Variants in GRM1 observed in about 807,000 individuals in gnomAD.
The protein encoded by GRM1 is metabotropic glutamate receptor 1.
Under a neutral mutation model 90.9 loss-of-function variants are expected in GRM1, and 33 were observed. That is an observed-to-expected ratio of 0.36 (90% CI 0.28 to 0.49). GRM1 has a LOEUF of 0.49. Ranked by LOEUF, GRM1 falls within the 20% of genes least tolerant of loss-of-function variation. GRM1 has a pLI of 0.99. For synonymous variants in GRM1, 700 were observed against 613.2 expected (o/e 1.14, Z -2.09); for missense variants, 1,190 against 1,534.3 (o/e 0.78, Z 3.75).
intron 2 of GRM1, among the ~76,000 whole-genome samples, chr6:146,178,473 T>G (rs192385060): frequency 1.3e-5 from 2 of 152,190 alleles, no homozygotes; most frequent in African/African-American, 4.8e-5. Context: ...AGTCTAAACA[T>G]GGAAATTAAT....
intron 3 of GRM1, among the ~76,000 whole-genome samples, chr6:146,330,139 G>T (rs1179026724): frequency 2.0e-5 from 3 of 152,194 alleles, no homozygotes; most frequent in African/African-American, 7.2e-5. Flanking sequence ...AGGTGACTGT[G>T]TGATTATGAC....
intron 2 of GRM1, among the ~76,000 whole-genome samples, chr6:146,197,631 G>A (rs1415806251): frequency 6.6e-6 from 1 of 152,176 alleles, no homozygotes; most frequent in Non-Finnish European, 1.5e-5. Flanking sequence ...GATCTTTTTA[G>A]ACTTTATTAT....
intron 2 of GRM1, among the ~76,000 whole-genome samples, chr6:146,187,738 C>CATAT (rs10656760): frequency 0.05 from 7,432 of 148,452 alleles, 195 homozygotes; most frequent in Admixed American, 0.063. Context: ...AGGCACAAAA[C>CATAT]ATATATATAT....
chr6:146,417,443 A>G (rs374274227), intron 7 of GRM1, among the ~76,000 whole-genome samples: 13 of 152,182 alleles, frequency 8.5e-5, no homozygotes, highest in African/African-American at 2.9e-4. Context: ...TAGAAAACCA[A>G]TACCTTTCTC....
Position 146,425,359 on chromosome 6 carries a change from G to T in GRM1, c.2661-8513G>T, listed in dbSNP as rs527613484. On this transcript the variant is annotated intron_variant, in intron 7 of 7. Transcript: ENST00000282753. ...GCACCTGTCAGGCCTCAGCCTGAGAGACTTGGAATGGGAAGGGGCATGGTC... is the reference window on the plus strand; with the variant it reads ...GCACCTGTCAGGCCTCAGCCTGAGATACTTGGAATGGGAAGGGGCATGGTC... Among the ~76,000 whole-genome samples the T allele has an allele frequency of 2.0e-5, 3 of 152,282 alleles. No homozygotes were observed. The East Asian group carries it at 5.8e-4, about 29-fold the overall frequency.
At chr6:146,197,682 G>A (rs1016716507) in intron 2 of GRM1, among the ~76,000 whole-genome samples, 5 of 152,142 alleles carry the variant, frequency 3.3e-5, no homozygotes, top group Non-Finnish European at 7.3e-5. Flanking sequence ...AGGCACAACT[G>A]TAAATAAATA....
chr6:146,244,531 C>G (rs1780985680), intron 2 of GRM1, among the ~76,000 whole-genome samples: 1 of 152,082 alleles, frequency 6.6e-6, no homozygotes, highest in African/African-American at 2.4e-5. Flanking sequence ...TACACTGTTA[C>G]AAATAAAAAG....
chr6:146,135,271 AC>A (rs1193354531), intron 1 of GRM1, among the ~76,000 whole-genome samples: 1 of 151,900 alleles, frequency 6.6e-6, no homozygotes, highest in Non-Finnish European at 1.5e-5. Flanking sequence ...TGAGCCCAGG[AC>A]TCTCTGCTGC....
chr6:146,171,632 CT>C, intron 2 of GRM1: 2 of 259,122 alleles, frequency 7.7e-6, no homozygotes, highest in Admixed American at 3.8e-5. Context: ...ATTTTTTCTC[CT>C]TCAGCTTGCA....
chr6:146,292,002 C>G (rs1261705556), intron 2 of GRM1, among the ~76,000 whole-genome samples: 1 of 151,868 alleles, frequency 6.6e-6, no homozygotes, highest in East Asian at 1.9e-4. Flanking sequence ...AATTGAGAAT[C>G]CAGAAATAAA....
chr6:146,244,558 A>G (rs9497505), intron 2 of GRM1, among the ~76,000 whole-genome samples: 34,253 of 152,160 alleles, frequency 0.23, 8,026 homozygotes, highest in African/African-American at 0.6. Flanking sequence ...AAAGTTGTTC[A>G]ATCAGTTGGC....
chr6:146,197,091 A>C (rs1048658139), intron 2 of GRM1, among the ~76,000 whole-genome samples: 12 of 152,206 alleles, frequency 7.9e-5, no homozygotes, highest in Admixed American at 6.5e-4. Flanking sequence ...CCAATGGGAG[A>C]GCACAGACAG....
intron 5 of GRM1, among the ~76,000 whole-genome samples, chr6:146,382,280 G>A (rs1198082098): frequency 6.7e-6 from 1 of 150,346 alleles, no homozygotes; most frequent in Non-Finnish European, 1.5e-5. Flanking sequence ...GTCACTTTGG[G>A]GGAAACTAGA....
chr6:146,416,459 T>C (rs1777788074), intron 7 of GRM1, among the ~76,000 whole-genome samples: 1 of 152,190 alleles, frequency 6.6e-6, no homozygotes, highest in African/African-American at 2.4e-5. Context: ...AATAAATTAG[T>C]AGTTTTATCA....
At chr6:146,300,941 C>T (rs1289513530) in intron 2 of GRM1, among the ~76,000 whole-genome samples, 1 of 152,140 alleles carries the variant, frequency 6.6e-6, no homozygotes, top group Non-Finnish European at 1.5e-5. Flanking sequence ...CCTAATGCAA[C>T]GAAACAGCAA....
intron 6 of GRM1, among the ~76,000 whole-genome samples, chr6:146,396,069 C>CTATCTATCT (rs1554307316): frequency 1.5e-5 from 2 of 136,114 alleles, no homozygotes; most frequent in Admixed American, 7.2e-5. Context: ...ACCTATCCAT[C>CTATCTATCT]ATCTATCTAT....
intron 7 of GRM1, among the ~76,000 whole-genome samples, chr6:146,417,639 G>A (rs1777836931): frequency 6.6e-6 from 1 of 152,128 alleles, no homozygotes; most frequent in African/African-American, 2.4e-5. Flanking sequence ...AGTGGAAGTA[G>A]GCATCTAATA....
chr6:146,164,253 T>C lies in GRM1; in HGVS notation c.950+4656T>C, dbSNP rs558551897. Among the ~76,000 whole-genome samples the C allele has an allele frequency of 7.3e-4, 111 of 152,228 alleles. No homozygotes were observed. The Middle Eastern group carries it at 0.01, about 14-fold the overall frequency. ...TTGAAAAGCAGAGAAGTTCAATAAT[T>C]ACTCCAAATTCCTAAGTTTAATAAG... On this transcript the variant is annotated intron_variant, in intron 2 of 7. Coordinates refer to ENST00000282753, the MANE Select transcript of GRM1 (RefSeq NM_001278064.2).
At chr6:146,332,827 G>C (rs1219715400) in intron 3 of GRM1, among the ~76,000 whole-genome samples, 1 of 152,076 alleles carries the variant, frequency 6.6e-6, no homozygotes, top group Non-Finnish European at 1.5e-5. Context: ...TCAATTCCAT[G>C]AGCTTGGCGA....
Sources: gnomAD v4.1 joint callset for allele counts (sites outside exome capture counted in the v4.1 genomes callset) on GRCh38, gnomAD v4.1.1 for gene constraint, MANE v1.5 for transcripts, NCBI Gene and HGNC (gene_info 2026-07-23, HGNC 2026-07-21) for gene names.